Variants in MPHOSPH8 observed in about 807,000 individuals in gnomAD.
MPHOSPH8 encodes the protein M-phase phosphoprotein 8.
Under a neutral mutation model 87.3 loss-of-function variants are expected in MPHOSPH8, and 45 were observed. The observed-to-expected ratio is 0.52, with a 90% CI of 0.41 to 0.66. MPHOSPH8 has a LOEUF of 0.66. Ranked by LOEUF, MPHOSPH8 falls within the 30% of genes least tolerant of loss-of-function variation. MPHOSPH8 has a pLI of 0.00. For synonymous variants in MPHOSPH8, 366 were observed against 376.9 expected, an observed-to-expected ratio of 0.97 and a Z score of 0.33; for missense variants, 883 against 1,020.2, an observed-to-expected ratio of 0.87 and a Z score of 1.83.
At chr13:19,666,620 A>C in intron 10 of MPHOSPH8, 41 bp downstream of exon 10, 9 of 1,527,354 alleles carry the variant, frequency 5.9e-6, no homozygotes, top group Non-Finnish European at 7.1e-6. Context: ...GTCACATATC[A>C]TACATCTGTT....
intron 2 of MPHOSPH8, among the ~76,000 whole-genome samples, chr13:19,644,966 T>C (rs1393413360): frequency 9.2e-5 from 14 of 152,098 alleles, no homozygotes; most frequent in East Asian, 1.9e-4. Flanking sequence ...ACCTGGCTAA[T>C]TAAAAAAAAA....
At chr13:19,645,744 CAAAA>C (rs71092387) in intron 2 of MPHOSPH8, among the ~76,000 whole-genome samples, 1 of 75,536 alleles carries the variant, frequency 1.3e-5, no homozygotes. Context: ...GACTCTGTCT[CAAAA>C]AAAAAAAAAA....
chr13:19,655,918 G>C (rs1875134742), intron 5 of MPHOSPH8, among the ~76,000 whole-genome samples: 1 of 152,140 alleles, frequency 6.6e-6, no homozygotes, highest in South Asian at 2.1e-4. Context: ...TTTGAGACCA[G>C]CCTGGGCAAC....
chr13:19,639,126 C>T (rs1219922910), intron 1 of MPHOSPH8, among the ~76,000 whole-genome samples: 1 of 151,236 alleles, frequency 6.6e-6, no homozygotes, highest in East Asian at 1.9e-4. Context: ...TAAAAGGCAG[C>T]TTGGTATGGG....
At chr13:19,667,567 T>G (rs910759644) in intron 10 of MPHOSPH8, among the ~76,000 whole-genome samples, 1 of 151,750 alleles carries the variant, frequency 6.6e-6, no homozygotes. Context: ...ATTTAATTCC[T>G]TCATATTTTG....
chr13:19,643,938 A>G (rs183578124), intron 2 of MPHOSPH8, among the ~76,000 whole-genome samples: 3 of 152,274 alleles, frequency 2.0e-5, no homozygotes, highest in African/African-American at 7.2e-5. Context: ...ACAGTATTGC[A>G]TGTCCTCATT....
Position 19,659,296 on chromosome 13 carries a change from T to C in MPHOSPH8, c.1791+7T>C, listed in dbSNP as rs775541736. On this transcript the variant is annotated splice_region_variant and intron_variant, in intron 7 of 13. Transcript: ENST00000361479. ...ATATAACCTGGACCAAGAGGTAATA[T>C]GTCGTTGAAAAATCTCATGAAAGGA... 15 of 1,580,738 alleles carry C rather than the reference T, an allele frequency of 9.5e-6. No homozygotes were observed. In the South Asian group the frequency reaches 1.1e-4, roughly 12 times the overall value.
chr13:19,648,596 A>G, intron 4 of MPHOSPH8, 75 bp downstream of exon 4: 1 of 630,578 alleles, frequency 1.6e-6, no homozygotes, highest in Non-Finnish European at 2.3e-6. Context: ...TAAATTTATT[A>G]TATAAAAATT....
In MPHOSPH8 at chr13:19,647,095, C is replaced by T. The variant is rs779498017; in HGVS notation, c.1022C>T (p.Thr341Ile). The T allele has an allele frequency of 1.9e-6, 3 of 1,612,372 alleles. No individual in the cohort carries two copies. The African/African-American group carries it at 4.0e-5, about 22-fold the overall frequency. Residue 341 changes from threonine (T) to isoleucine (I), a missense_variant, in exon 3 of 14, where the codon ACT becomes ATT. Physicochemically the swap from Thr to Ile is moderately conservative, Grantham distance 89. Coordinates refer to ENST00000361479, the MANE Select transcript of MPHOSPH8 (RefSeq NM_017520.4). ...KKKTPRKAEDTRENRKLENKN... is the reference protein window; with the variant it reads ...KKKTPRKAEDIRENRKLENKN... ...AAGACCCCGAGAAAGGCTGAGGACA[C>T]TAGAGAGAACAGGAAGCTAGAGAAC...
chr13:19,666,520 C>G lies in MPHOSPH8; in HGVS notation c.2115C>G (p.His705Gln), dbSNP rs752124602. 1.9e-6 allele frequency: 3 copies of G among 1,606,958 alleles called. No individual in the cohort carries two copies. In the East Asian group the frequency reaches 6.7e-5, roughly 36 times the overall value. The change falls in exon 10 of 14, where the codon CAC (histidine) becomes CAG (glutamine). Residue 705 changes from histidine (H) to glutamine (Q), a missense_variant. His to Gln is a conservative substitution (Grantham distance 24). This residue lies in a region of MPHOSPH8 where 741 missense variants were observed against 841.5 expected (regional missense o/e 0.88). Coordinates refer to ENST00000361479, the MANE Select transcript of MPHOSPH8 (RefSeq NM_017520.4). ...ILSKHQNSAL[H>Q]FAKQSNNVLV... ...CAAAGCACCAGAATAGTGCCCTGCACTTTGCGAAGCAGTCTAACAATGTGC... is the reference window on the plus strand; with the variant it reads ...CAAAGCACCAGAATAGTGCCCTGCAGTTTGCGAAGCAGTCTAACAATGTGC...
chr13:19,652,378 G>T (rs1874901887), intron 5 of MPHOSPH8, among the ~76,000 whole-genome samples: 1 of 152,172 alleles, frequency 6.6e-6, no homozygotes, highest in Admixed American at 6.5e-5. Flanking sequence ...ACTGTGCCAT[G>T]AGGAACGGTG....
chr13:19,670,075 C>G (rs746975420), intron 11 of MPHOSPH8, among the ~76,000 whole-genome samples, 161 bp from the exon 12 acceptor site: 2 of 152,222 alleles, frequency 1.3e-5, no homozygotes, highest in African/African-American at 4.8e-5. Flanking sequence ...CCAGGTGACA[C>G]GAGCTTTGAG....
rs758491809 is a variant in MPHOSPH8 at position 19,633,879 on chromosome 13, G to A, written c.131G>A (p.Gly44Glu). Residue 44 changes from glycine to glutamate, a missense_variant, in exon 1 of 14, where the codon GGA becomes GAA. Physicochemically the swap from Gly to Glu is moderately conservative, Grantham distance 98. Transcript: ENST00000361479. ...VGEDNDAAARGAEAFGDSEED... is the reference protein window; with the variant it reads ...VGEDNDAAAREAEAFGDSEED... ...GAAGATAATGACGCAGCCGCGAGAG[G>A]AGCGGAGGCCTTTGGCGACAGTGAG... 1 of 1,611,804 alleles carries A rather than the reference G, an allele frequency of 6.2e-7. No individual in the cohort carries two copies. The highest frequency in any genetic ancestry group is 1.1e-5 in the South Asian group (1 of 90,350).
At chr13:19,648,201 A>G (rs1420930804) in intron 3 of MPHOSPH8, among the ~76,000 whole-genome samples, 3 of 151,708 alleles carry the variant, frequency 2.0e-5, no homozygotes, top group African/African-American at 4.8e-5. Context: ...GGGTTGGAAA[A>G]CTGATGTTGG....
chr13:19,633,711 G>T lies in MPHOSPH8; in HGVS notation c.-38G>T, dbSNP rs1566106962. 6.4e-7 allele frequency: 1 copy of T among 1,555,980 alleles called. No homozygotes were observed. Among genetic ancestry groups the T allele is most frequent in the South Asian group, 1.2e-5 (1 of 84,592 alleles). On this transcript the variant is annotated 5_prime_UTR_variant, in exon 1 of 14. Coordinates refer to ENST00000361479, the MANE Select transcript of MPHOSPH8 (RefSeq NM_017520.4). ...GCGAGGGGCTGCTGGGGTGTTTGTC[G>T]CAGCGGGTTTTCCTCGGCGGTTTGC...
Position 19,646,791 on chromosome 13 carries a change from A to G in MPHOSPH8, c.718A>G (p.Thr240Ala). ...VKKGEIRDLK[T>A]KTREDPKENR... Reference sequence around the variant, plus strand: ...AAAGGGTGAAATAAGAGATTTAAAGACGAAAACAAGAGAAGATCCCAAAGA... The same window carrying G: ...AAAGGGTGAAATAAGAGATTTAAAGGCGAAAACAAGAGAAGATCCCAAAGA... The change falls in exon 3 of 14, where the codon ACG becomes GCG. Residue 240 changes from threonine to alanine, a missense_variant. Around this residue, in one of 3 missense-constraint regions of MPHOSPH8, gnomAD observed 741 missense variants for 841.5 expected, o/e 0.88. Coordinates refer to ENST00000361479, the MANE Select transcript of MPHOSPH8 (RefSeq NM_017520.4). The G allele has an allele frequency of 6.3e-7, 1 of 1,581,322 alleles. No homozygotes were observed. The highest frequency in any genetic ancestry group is 8.6e-7 in the Non-Finnish European group (1 of 1,168,632).
At chr13:19,662,900 C>T in intron 8 of MPHOSPH8, 140 bp from the exon 9 acceptor site, 2 of 718,466 alleles carry the variant, frequency 2.8e-6, no homozygotes, top group Non-Finnish European at 4.6e-6. Flanking sequence ...CCCCGTGGCC[C>T]CACGGGAATG....
intron 11 of MPHOSPH8, among the ~76,000 whole-genome samples, 182 bp downstream of exon 11, chr13:19,668,713 CCT>C (rs1211153302): frequency 6.6e-6 from 1 of 152,154 alleles, no homozygotes; most frequent in Non-Finnish European, 1.5e-5. Context: ...ACACCCCATC[CCT>C]GTTTTAACAC....
rs376405386 is a variant in MPHOSPH8 at position 19,659,585 on chromosome 13, G to A, written c.1791+296G>A. ...TGGCTGAGGTGACAGGATCACCTGA[G>A]CCTGGGAGGTCAAGGCTGTGGTAAG... On this transcript the variant is annotated intron_variant, in intron 7 of 13. Coordinates refer to ENST00000361479, the MANE Select transcript of MPHOSPH8 (RefSeq NM_017520.4). The A allele has an allele frequency of 5.6e-4, 216 of 385,984 alleles. 3 individuals are homozygous for A. The highest frequency in any genetic ancestry group is 4.1e-3 in the African/African-American group (199 of 48,154). 23.9% of individuals were successfully genotyped at this position (385,984 alleles called of 1,614,324 possible).
Sources: gnomAD v4.1 joint callset for allele counts (sites outside exome capture counted in the v4.1 genomes callset) on GRCh38, gnomAD v4.1.1 for gene constraint, gnomAD v4.1.1 regional missense constraint, MANE v1.5 for transcripts, NCBI Gene and HGNC (gene_info 2026-07-23, HGNC 2026-07-21) for gene names.